Variants in CPN1 observed in about 807,000 individuals in gnomAD.
CPN1 encodes the protein carboxypeptidase N subunit 1.
In CPN1, 37 loss-of-function variants were observed where a neutral mutation model predicts 46.4. The ratio of observed to expected loss-of-function variants is 0.80; its 90% CI spans 0.61 to 1.05. CPN1 has a LOEUF of 1.05. CPN1 is among the 50% of genes least tolerant of loss of function. CPN1 has a pLI of 0.00. For missense variants in CPN1, 563 were observed against 602.6 expected, an observed-to-expected ratio of 0.93 and a Z score of 0.69; for synonymous variants, 224 against 235.4, an observed-to-expected ratio of 0.95 and a Z score of 0.44.
intron 5 of CPN1, 43 bp from the exon 6 acceptor site, chr10:100,057,195 C>T: frequency 6.2e-7 from 1 of 1,601,850 alleles, no homozygotes; most frequent in Middle Eastern, 1.7e-4. Context: ...AACCAGGTTC[C>T]CACCCAATGC....
At position 100,046,359 on chromosome 10, in the gene CPN1, T is replaced by G. The variant is rs549888513; in HGVS notation, c.1230+2399A>C. Among the ~76,000 whole-genome samples, 222 of 152,042 alleles carry G rather than the reference T, an allele frequency of 1.5e-3. 1 individual carries two copies. The highest frequency in any genetic ancestry group is 9.8e-3 in the South Asian group (47 of 4,814). On this transcript the variant is annotated intron_variant, in intron 8 of 8. Transcript: ENST00000370418. ...CAGTGGCTCACGCCTGTAATCCCAG[T>G]GCTTTGGAAGGCCAAGGTGTGAGGA...
At chr10:100,066,291 G>A (rs973061042) in intron 3 of CPN1, among the ~76,000 whole-genome samples, 1 of 152,146 alleles carries the variant, frequency 6.6e-6, no homozygotes, top group Non-Finnish European at 1.5e-5. Flanking sequence ...CATGATTGGA[G>A]AGCTCAGAGC....
chr10:100,043,891 C>T (rs1232359939), intron 8 of CPN1, among the ~76,000 whole-genome samples: 2 of 151,982 alleles, frequency 1.3e-5, no homozygotes, highest in South Asian at 2.1e-4. Flanking sequence ...GGCCACAGCA[C>T]GCAGATGGAA....
rs1482051690 is a variant in CPN1 at position 100,081,770 on chromosome 10, G to A, written c.-145C>T. ...AATTGGAAGACGTTCCCAGCTGTCC[G>A]TCCAAGGCTGGAAATTCTTTATGTC... On this transcript the variant is annotated 5_prime_UTR_variant, in exon 1 of 9. The change creates a new upstream start codon in the 5' untranslated region. Coordinates refer to ENST00000370418, the MANE Select transcript of CPN1 (RefSeq NM_001308.3). 5 of 705,856 alleles carry A rather than the reference G, an allele frequency of 7.1e-6. No individual in the cohort carries two copies. Among genetic ancestry groups the A allele is most frequent in the Non-Finnish European group, 1.3e-5 (5 of 394,216 alleles). 43.7% of individuals were successfully genotyped at this position (705,856 alleles called of 1,614,324 possible).
chr10:100,042,683 G>T, intron 8 of CPN1, 110 bp from the exon 9 acceptor site: 1 of 1,363,502 alleles, frequency 7.3e-7, no homozygotes, highest in Non-Finnish European at 1.0e-6. Flanking sequence ...GTGACCCAGA[G>T]AAGCACTGGT....
intron 8 of CPN1, 106 bp from the exon 9 acceptor site, chr10:100,042,679 C>A: frequency 7.2e-7 from 1 of 1,386,072 alleles, no homozygotes; most frequent in South Asian, 1.2e-5. Context: ...AGCAGTGACC[C>A]AGAGAAGCAC....
chr10:100,056,728 T>C (rs1346483238), intron 6 of CPN1, among the ~76,000 whole-genome samples: 2 of 151,628 alleles, frequency 1.3e-5, no homozygotes, highest in Non-Finnish European at 2.9e-5. Flanking sequence ...TTTTTTTTTT[T>C]TTTAGTAGAC....
At chr10:100,042,823 G>T (rs556833137) in intron 8 of CPN1, among the ~76,000 whole-genome samples, 1 of 132,066 alleles carries the variant, frequency 7.6e-6, no homozygotes, top group East Asian at 2.1e-4. Context: ...GCTGGGTGTG[G>T]TGGCTCATGG....
At chr10:100,062,015 A>T (rs1003525618) in intron 5 of CPN1, among the ~76,000 whole-genome samples, 1 of 151,918 alleles carries the variant, frequency 6.6e-6, no homozygotes, top group African/African-American at 2.4e-5. Context: ...CGTGCCTTGT[A>T]TTCAAGCGAG....
intron 1 of CPN1, among the ~76,000 whole-genome samples, chr10:100,079,850 C>T (rs2133451258): frequency 6.6e-6 from 1 of 152,230 alleles, no homozygotes; most frequent in East Asian, 1.9e-4. Flanking sequence ...TTTGGGAGGC[C>T]AAGGCGGGTG....
At chr10:100,047,027 T>C (rs895197485) in intron 8 of CPN1, among the ~76,000 whole-genome samples, 1 of 151,606 alleles carries the variant, frequency 6.6e-6, no homozygotes, top group South Asian at 2.1e-4. Flanking sequence ...TGAGCCGAGA[T>C]TGAGCCACTG....
intron 7 of CPN1, among the ~76,000 whole-genome samples, chr10:100,052,062 C>T (rs566551755): frequency 8.1e-4 from 122 of 150,516 alleles, no homozygotes; most frequent in Non-Finnish European, 1.3e-3. Context: ...ACCACACCAC[C>T]ACACCCAGCT....
At chr10:100,050,398 A>C (rs914698313) in intron 7 of CPN1, among the ~76,000 whole-genome samples, 1 of 152,074 alleles carries the variant, frequency 6.6e-6, no homozygotes, top group African/African-American at 2.4e-5. Context: ...TGTTGAGAGA[A>C]ACAGAGCTAC....
chr10:100,081,396 A>G lies in CPN1; in HGVS notation c.223+7T>C, dbSNP rs10883439. On this transcript the variant is annotated splice_region_variant and intron_variant, in intron 1 of 8. Coordinates refer to ENST00000370418, the MANE Select transcript of CPN1 (RefSeq NM_001308.3). ...CCACACACCCTCAAGAGCTGTTCAG[A>G]ACTTACAGGGCTCGTGGATTCCAGG... 0.88 allele frequency: 1,419,869 copies of G among 1,610,520 alleles called. 627,482 individuals carry two copies. The highest frequency in any genetic ancestry group is 0.96 in the African/African-American group (71,922 of 74,898).
At chr10:100,045,634 T>C (rs1434278159) in intron 8 of CPN1, among the ~76,000 whole-genome samples, 2 of 152,200 alleles carry the variant, frequency 1.3e-5, no homozygotes, top group Admixed American at 1.3e-4. Flanking sequence ...GAGCCTGATA[T>C]AGGTTCGAAT....
intron 4 of CPN1, among the ~76,000 whole-genome samples, chr10:100,064,670 C>T (rs1335640568): frequency 1.3e-5 from 2 of 151,872 alleles, no homozygotes; most frequent in African/African-American, 4.8e-5. Flanking sequence ...CGTGAGCCAC[C>T]GCACCAGGCC....
At chr10:100,047,228 AAAG>A (rs1374334385) in intron 8 of CPN1, among the ~76,000 whole-genome samples, 4 of 152,220 alleles carry the variant, frequency 2.6e-5, no homozygotes, top group African/African-American at 4.8e-5. Context: ...TGTCTCTATG[AAAG>A]AAGAAGAGGA....
Position 100,054,456 on chromosome 10 carries a change from C to T in CPN1, c.1012-10G>A. 1 of 1,599,696 alleles carries T rather than the reference C, an allele frequency of 6.3e-7. No individual in the cohort carries two copies. Among genetic ancestry groups the T allele is most frequent in the Non-Finnish European group, 8.6e-7 (1 of 1,166,960 alleles). On this transcript the variant is annotated splice_polypyrimidine_tract_variant and intron_variant, in intron 6 of 8. Transcript: ENST00000370418. ...TGATGCCCTGGTGAACCTGCAGGAA[C>T]AAGTATATAGTTATGATCATAAAAC...
At chr10:100,066,485 T>G (rs2041455457) in intron 3 of CPN1, among the ~76,000 whole-genome samples, 1 of 152,170 alleles carries the variant, frequency 6.6e-6, no homozygotes, top group South Asian at 2.1e-4. Flanking sequence ...TAGAACACAC[T>G]CCTGTGGTCA....
Sources: allele counts gnomAD v4.1 joint callset (sites outside exome capture counted in the v4.1 genomes callset), GRCh38; gene constraint gnomAD v4.1.1; transcripts MANE v1.5; gene names NCBI Gene and HGNC (gene_info 2026-07-23, HGNC 2026-07-21).